Variants in ADAMTS3 observed in about 807,000 individuals in gnomAD.
The protein encoded by ADAMTS3 is ADAM metallopeptidase with thrombospondin type 1 motif 3.
A neutral mutation model predicts 129.0 loss-of-function variants in ADAMTS3; 73 were observed. The observed-to-expected ratio is 0.57, with a 90% CI of 0.47 to 0.69. The LOEUF is 0.69. Among genes scored for constraint, ADAMTS3 ranks in the 30% least tolerant of loss-of-function variants. The pLI is 0.00. For synonymous variants in ADAMTS3, 477 were observed against 510.8 expected, an observed-to-expected ratio of 0.93 and a Z score of 0.89; for missense variants, 1,457 against 1,514.5, an observed-to-expected ratio of 0.96 and a Z score of 0.63.
At chr4:72,405,408 T>A (rs1237596391) in intron 4 of ADAMTS3, among the ~76,000 whole-genome samples, 2 of 151,992 alleles carry the variant, frequency 1.3e-5, no homozygotes, top group African/African-American at 4.8e-5. Context: ...TATAAAAAAA[T>A]ATAAAGAGAC....
At chr4:72,490,979 G>A (rs1272404238) in intron 3 of ADAMTS3, among the ~76,000 whole-genome samples, 1 of 151,794 alleles carries the variant, frequency 6.6e-6, no homozygotes, top group Non-Finnish European at 1.5e-5. Context: ...TTTTCCATTT[G>A]TCTTTAATTT....
rs1718325572 is a variant in ADAMTS3, at chr4:72,281,007, T to C, written c.*2129A>G. 1 of 152,616 alleles carries C rather than the reference T, an allele frequency of 6.6e-6. No individual in the cohort carries two copies. Among genetic ancestry groups the C allele is most frequent in the Non-Finnish European group, 1.5e-5 (1 of 68,026 alleles). The allele number at this position is 152,616 out of a possible 1,614,324, so 9.5% of individuals were successfully genotyped here. A position where few individuals can be genotyped will look rare whatever the true frequency, so the allele number is the denominator to read the frequency against. The stretch of plus-strand genomic sequence containing the variant: ...CATTTTTATTGGTACGTGCTCTCAG[T>C]ACAACAAACAGCATCAGTAGTGTAC... On this transcript the variant is annotated 3_prime_UTR_variant, in exon 22 of 22. Transcript: ENST00000286657.
chr4:72,561,825 T>A (rs1381076705), intron 2 of ADAMTS3, among the ~76,000 whole-genome samples: 1 of 152,230 alleles, frequency 6.6e-6, no homozygotes, highest in Non-Finnish European at 1.5e-5. Flanking sequence ...CTAAATTCCA[T>A]GCAGATTCAT....
At chr4:72,412,500 T>C (rs1017410159) in intron 4 of ADAMTS3, among the ~76,000 whole-genome samples, 1 of 152,004 alleles carries the variant, frequency 6.6e-6, no homozygotes, top group East Asian at 1.9e-4. Flanking sequence ...AAGGAAGAAT[T>C]TGAAAGTTCT....
intron 4 of ADAMTS3, among the ~76,000 whole-genome samples, chr4:72,360,201 C>T (rs1262798367): frequency 1.3e-5 from 2 of 152,130 alleles, no homozygotes; most frequent in Non-Finnish European, 2.9e-5. Flanking sequence ...AATCTTAGAA[C>T]GATGCCTTTT....
At position 72,286,004 on chromosome 4, in the gene ADAMTS3, CAT is replaced by C. The variant is rs200928025; in HGVS notation, c.3050-2302_3050-2301del. ...TATTTTACTTCAAATATGGTAGAAA[CAT>C]GTGACCGTTAGAACTCTTAGGATTG... On this transcript the variant is annotated intron_variant, in intron 21 of 21. Coordinates refer to ENST00000286657, the MANE Select transcript of ADAMTS3 (RefSeq NM_014243.3). Among the ~76,000 whole-genome samples the C allele has an allele frequency of 5.6e-3, 858 of 152,274 alleles. 3 individuals are homozygous for C. Among genetic ancestry groups the C allele is most frequent in the African/African-American group, 0.019 (798 of 41,556 alleles).
intron 4 of ADAMTS3, among the ~76,000 whole-genome samples, chr4:72,377,785 T>C (rs1311974376): frequency 1.3e-5 from 2 of 152,142 alleles, no homozygotes; most frequent in African/African-American, 4.8e-5. Context: ...TGGGTCAGTG[T>C]TGTCTCTATT....
intron 3 of ADAMTS3, among the ~76,000 whole-genome samples, chr4:72,448,773 C>T (rs956750524): frequency 6.6e-6 from 1 of 151,580 alleles, no homozygotes. Context: ...GCCTCCTCCC[C>T]TTTTCTACTC....
chr4:72,422,835 G>T (rs559786552), intron 3 of ADAMTS3, among the ~76,000 whole-genome samples: 1 of 152,158 alleles, frequency 6.6e-6, no homozygotes, highest in Non-Finnish European at 1.5e-5. Context: ...GAGAGTTTCA[G>T]ATGAGATAAT....
intron 3 of ADAMTS3, among the ~76,000 whole-genome samples, chr4:72,463,815 C>T (rs1718845773): frequency 6.6e-6 from 1 of 151,718 alleles, no homozygotes; most frequent in South Asian, 2.1e-4. Context: ...AGGTGGCTAG[C>T]AGCAAAGAGT....
At chr4:72,565,030 T>A (rs1490847456) in intron 2 of ADAMTS3, among the ~76,000 whole-genome samples, 3 of 152,204 alleles carry the variant, frequency 2.0e-5, no homozygotes, top group Admixed American at 6.5e-5. Context: ...TTGATCCAGC[T>A]GCTGACTGCT....
intron 3 of ADAMTS3, among the ~76,000 whole-genome samples, chr4:72,488,736 AAATT>A (rs1266864346): frequency 2.6e-5 from 4 of 152,034 alleles, no homozygotes; most frequent in South Asian, 2.1e-4. Flanking sequence ...TAATCACCAC[AAATT>A]AATTAACCTA....
At chr4:72,455,882 T>C (rs1410403510) in intron 3 of ADAMTS3, among the ~76,000 whole-genome samples, 2 of 121,200 alleles carry the variant, frequency 1.7e-5, no homozygotes, top group Non-Finnish European at 3.3e-5. Flanking sequence ...GTATATACTA[T>C]ATATATTTTA....
intron 2 of ADAMTS3, among the ~76,000 whole-genome samples, chr4:72,549,407 T>C (rs1721553177): frequency 6.6e-6 from 1 of 152,134 alleles, no homozygotes; most frequent in Admixed American, 6.6e-5. Context: ...ATACACATTT[T>C]TTCCACCATA....
chr4:72,520,494 C>T (rs1392391855), intron 3 of ADAMTS3, among the ~76,000 whole-genome samples: 1 of 152,200 alleles, frequency 6.6e-6, no homozygotes, highest in Non-Finnish European at 1.5e-5. Flanking sequence ...TGGGCTCCAC[C>T]CAGTTGGAGC....
chr4:72,562,322 AAT>A (rs1323545573), intron 2 of ADAMTS3, among the ~76,000 whole-genome samples: 3 of 152,202 alleles, frequency 2.0e-5, no homozygotes, highest in Non-Finnish European at 4.4e-5. Flanking sequence ...CATTTGTCAA[AAT>A]GTATCATGTG....
In ADAMTS3 at chr4:72,319,396, G is replaced by C; in HGVS notation, c.1288C>G (p.Gln430Glu). 1 of 1,613,952 alleles carries C rather than the reference G, an allele frequency of 6.2e-7. No individual in the cohort carries two copies. Among genetic ancestry groups the C allele is most frequent in the Non-Finnish European group, 8.5e-7 (1 of 1,179,934 alleles). Residue 430 changes from glutamine (Q) to glutamate (E), a missense_variant, in exon 9 of 22, where the codon CAA becomes GAA. By Grantham distance (29) the Gln-to-Glu change is conservative. Transcript: ENST00000286657. Reference sequence around the variant, plus strand: ...CAGTGGTAACGATGGAATGCTGCTTGTACCAAGGGAGCCATGACACTTCCC... The same window carrying C: ...CAGTGGTAACGATGGAATGCTGCTTCTACCAAGGGAGCCATGACACTTCCC... Reference protein sequence around the residue: ...AMGSVMAPLVQAAFHRYHWSR... With the variant: ...AMGSVMAPLVEAAFHRYHWSR...
rs923343439 is a variant in ADAMTS3 at position 72,537,681 on chromosome 4, T to C, written c.504+10797A>G. ...TGGGAGGAAATCTGATTTCCAGAGA[T>C]ACAACACTATTAGGTTCAGAAGCTC... On this transcript the variant is annotated intron_variant, in intron 3 of 21. Coordinates refer to ENST00000286657, the MANE Select transcript of ADAMTS3 (RefSeq NM_014243.3). Among the ~76,000 whole-genome samples the C allele has an allele frequency of 2.6e-5, 4 of 152,214 alleles. No homozygotes were observed. The East Asian group carries it at 7.7e-4, about 29-fold the overall frequency.
chr4:72,363,566 A>G (rs976319650), intron 4 of ADAMTS3, among the ~76,000 whole-genome samples: 1 of 152,166 alleles, frequency 6.6e-6, no homozygotes, highest in African/African-American at 2.4e-5. Context: ...TAAATCTATA[A>G]GCGCAATTAT....
Sources: gnomAD v4.1 joint callset for allele counts (sites outside exome capture counted in the v4.1 genomes callset) on GRCh38, gnomAD v4.1.1 for gene constraint, MANE v1.5 for transcripts, NCBI Gene and HGNC (gene_info 2026-07-23, HGNC 2026-07-21) for gene names.